Variants in HEMK2 observed in about 807,000 individuals in gnomAD.
HEMK2 encodes methyltransferase HEMK2.
At chr21:28,782,809 C>T in the HEMK2 span, among the ~76,000 whole-genome samples, 3 of 152,158 alleles carry the variant, frequency 2.0e-5, no homozygotes, top group East Asian at 3.8e-4. Flanking sequence ...TTGAATTGTA[C>T]ACTTTAAATT....
chr21:28,858,299 A>G, the HEMK2 span, among the ~76,000 whole-genome samples: 54 of 152,188 alleles, frequency 3.5e-4, no homozygotes, highest in South Asian at 6.2e-4. Context: ...CTTAACCCCA[A>G]TAAGTTGAAG....
the HEMK2 span, among the ~76,000 whole-genome samples, chr21:28,597,815 G>A: frequency 6.6e-6 from 1 of 152,106 alleles, no homozygotes. Flanking sequence ...TTTTTTAAAG[G>A]TGAAATTGCA....
At chr21:28,830,710 T>A in the HEMK2 span, among the ~76,000 whole-genome samples, 297 of 152,194 alleles carry the variant, frequency 2.0e-3, 4 homozygotes, top group African/African-American at 7.0e-3. Flanking sequence ...ACACTGTCTC[T>A]ACTAAAAATA....
the HEMK2 span, among the ~76,000 whole-genome samples, chr21:28,717,913 G>T: frequency 6.6e-6 from 1 of 152,040 alleles, no homozygotes; most frequent in South Asian, 2.1e-4. Flanking sequence ...ATGGATTTTG[G>T]ATCTCAATTT....
At chr21:28,824,666 T>C in the HEMK2 span, among the ~76,000 whole-genome samples, 12 of 152,238 alleles carry the variant, frequency 7.9e-5, no homozygotes, top group South Asian at 2.3e-3. Flanking sequence ...GAGAGAGAGA[T>C]AGAGAGTCTT....
At chr21:28,588,949 C>T in the HEMK2 span, among the ~76,000 whole-genome samples, 3 of 148,060 alleles carry the variant, frequency 2.0e-5, no homozygotes, top group South Asian at 4.3e-4. Flanking sequence ...CGCCACTGCA[C>T]TCCAGCCTGG....
chr21:28,697,554 C>CCAGT, the HEMK2 span, among the ~76,000 whole-genome samples: 2 of 152,150 alleles, frequency 1.3e-5, no homozygotes, highest in Non-Finnish European at 2.9e-5. Context: ...TGTCTGTTAC[C>CCAGT]CAGTTCCAGC....
At chr21:28,880,530 G>A in the HEMK2 span, among the ~76,000 whole-genome samples, 6 of 152,164 alleles carry the variant, frequency 3.9e-5, no homozygotes, top group South Asian at 8.3e-4. Context: ...TCAGGAGTTC[G>A]AGACCAGCCT....
the HEMK2 span, among the ~76,000 whole-genome samples, chr21:28,637,783 AT>A: frequency 1.3e-5 from 2 of 152,202 alleles, no homozygotes; most frequent in African/African-American, 4.8e-5. Context: ...TAAGTTTTAC[AT>A]TTTGAAGAAT....
At chr21:28,596,641 T>C in the HEMK2 span, among the ~76,000 whole-genome samples, 3 of 152,214 alleles carry the variant, frequency 2.0e-5, no homozygotes, top group Admixed American at 6.5e-5. Context: ...TTTATTTTTC[T>C]TTTGAGAAAA....
the HEMK2 span, among the ~76,000 whole-genome samples, chr21:28,867,892 T>C: frequency 6.6e-6 from 1 of 152,200 alleles, no homozygotes; most frequent in Admixed American, 6.5e-5. Context: ...ATAAAAATAT[T>C]CTCCTATATT....
At chr21:28,716,683 C>G in the HEMK2 span, among the ~76,000 whole-genome samples, 1 of 152,122 alleles carries the variant, frequency 6.6e-6, no homozygotes, top group African/African-American at 2.4e-5. Context: ...ACATCCTCAT[C>G]TTGTTCCAGG....
chr21:28,808,421 A>T, the HEMK2 span, among the ~76,000 whole-genome samples: 6 of 152,010 alleles, frequency 3.9e-5, no homozygotes, highest in African/African-American at 1.4e-4. Context: ...CAAAAAAAAA[A>T]AAAAGCCTAC....
chr21:28,791,404 C>G, the HEMK2 span, among the ~76,000 whole-genome samples: 6 of 152,054 alleles, frequency 3.9e-5, no homozygotes, highest in Non-Finnish European at 7.4e-5. Context: ...GAATCTTTCA[C>G]CTTTTTCTAC....
the HEMK2 span, among the ~76,000 whole-genome samples, chr21:28,688,399 C>A: frequency 6.6e-6 from 1 of 152,114 alleles, no homozygotes; most frequent in Admixed American, 6.5e-5. Context: ...CATCTAACAA[C>A]AAAAATGCAT....
the HEMK2 span, among the ~76,000 whole-genome samples, chr21:28,879,080 C>CTTTTTTTTT: frequency 2.0e-5 from 2 of 98,658 alleles, no homozygotes; most frequent in Admixed American, 1.3e-4. Context: ...TAGATTGTTT[C>CTTTTTTTTT]TTTTTTTTTT....
At chr21:28,839,792 C>T in the HEMK2 span, among the ~76,000 whole-genome samples, 2 of 152,222 alleles carry the variant, frequency 1.3e-5, no homozygotes, top group African/African-American at 4.8e-5. Context: ...ACCATACTGC[C>T]AAGAGCAATC....
At chr21:28,619,272 C>T in the HEMK2 span, among the ~76,000 whole-genome samples, 1 of 152,166 alleles carries the variant, frequency 6.6e-6, no homozygotes, top group Non-Finnish European at 1.5e-5. Context: ...AACTAATACA[C>T]TGGCTTATAA....
the HEMK2 span, among the ~76,000 whole-genome samples, chr21:28,669,185 C>T: frequency 6.6e-6 from 1 of 152,048 alleles, no homozygotes; most frequent in African/African-American, 2.4e-5. Flanking sequence ...ATGGTGAAAC[C>T]CTGTCTTTAC....
Sources: gnomAD v4.1 joint callset for allele counts (sites outside exome capture counted in the v4.1 genomes callset) on GRCh38, gnomAD v4.1.1 for gene constraint, MANE v1.5 for transcripts, NCBI Gene and HGNC (gene_info 2026-07-23, HGNC 2026-07-21) for gene names.